EYS: variants seen among roughly 807,000 people sequenced by gnomAD.
EYS encodes protein eyes shut homolog.
Under a neutral mutation model 282.1 loss-of-function variants are expected in EYS, and 250 were observed. The ratio of observed to expected loss-of-function variants is 0.89; its 90% CI spans 0.80 to 0.98. EYS has a LOEUF of 0.98. Among genes scored for constraint, EYS ranks in the 50% least tolerant of loss-of-function variants. The pLI, the probability that EYS is intolerant of heterozygous loss-of-function variation, is 0.00. For synonymous variants in EYS, 1,355 were observed against 1,282.9 expected, an observed-to-expected ratio of 1.06 and a Z score of -1.20; for missense variants, 4,016 against 3,709.0, an observed-to-expected ratio of 1.08 and a Z score of -2.15.
At chr6:64,651,341 T>C (rs897717664) in intron 22 of EYS, among the ~76,000 whole-genome samples, 2 of 152,212 alleles carry the variant, frequency 1.3e-5, no homozygotes, top group Non-Finnish European at 2.9e-5. Flanking sequence ...TATCTGTATA[T>C]ATGTGCAGTT....
chr6:65,184,242 A>C (rs573037709), intron 12 of EYS, among the ~76,000 whole-genome samples: 1 of 151,820 alleles, frequency 6.6e-6, no homozygotes, highest in Non-Finnish European at 1.5e-5. Context: ...GAGGCTGGGA[A>C]CTCCAAGATC....
chr6:65,560,071 T>C (rs1473780), intron 2 of EYS, among the ~76,000 whole-genome samples: 82,541 of 149,458 alleles, frequency 0.55, 22,783 homozygotes, highest in East Asian at 0.7. Context: ...TCATATCCTA[T>C]ATTATATCTA....
chr6:65,654,661 A>G (rs1203132425), intron 1 of EYS, among the ~76,000 whole-genome samples: 1 of 151,804 alleles, frequency 6.6e-6, no homozygotes, highest in East Asian at 1.9e-4. Flanking sequence ...AGAGTCCATT[A>G]AAAAGGTCAC....
intron 12 of EYS, among the ~76,000 whole-genome samples, chr6:65,202,588 G>C (rs907913790): frequency 7.9e-5 from 12 of 152,194 alleles, no homozygotes; most frequent in African/African-American, 2.9e-4. Flanking sequence ...CTCCAGCAGG[G>C]GAGGAGTCCA....
At chr6:64,248,963 T>C (rs1364386033) in intron 30 of EYS, among the ~76,000 whole-genome samples, 3 of 148,334 alleles carry the variant, frequency 2.0e-5, no homozygotes, top group Non-Finnish European at 3.0e-5. Flanking sequence ...GGCTGAGACA[T>C]GAGAATAGCT....
intron 12 of EYS, among the ~76,000 whole-genome samples, chr6:65,144,220 G>A (rs1764418148): frequency 6.6e-6 from 1 of 151,956 alleles, no homozygotes; most frequent in East Asian, 1.9e-4. Flanking sequence ...TCACATCTTG[G>A]CTAAATATCT....
At chr6:65,055,183 A>G (rs950503232) in intron 13 of EYS, among the ~76,000 whole-genome samples, 1 of 151,964 alleles carries the variant, frequency 6.6e-6, no homozygotes, top group Non-Finnish European at 1.5e-5. Context: ...GGGATTTGCT[A>G]TGTTGGCCAC....
intron 18 of EYS, among the ~76,000 whole-genome samples, chr6:64,897,206 C>T (rs964318532): frequency 4.6e-5 from 7 of 152,100 alleles, no homozygotes; most frequent in African/African-American, 1.7e-4. Context: ...CAGGAGAGCT[C>T]TGGTTGGCCT....
At chr6:64,738,151 A>T (rs1772246317) in intron 22 of EYS, among the ~76,000 whole-genome samples, 1 of 152,192 alleles carries the variant, frequency 6.6e-6, no homozygotes, top group Admixed American at 6.5e-5. Context: ...TCAAAACCTC[A>T]TATTGAAATG....
At chr6:64,919,645 C>T (rs1768276594) in intron 15 of EYS, among the ~76,000 whole-genome samples, 1 of 151,822 alleles carries the variant, frequency 6.6e-6, no homozygotes, top group East Asian at 1.9e-4. Flanking sequence ...ATTTTTCATA[C>T]ATTTTGATGT....
chr6:64,129,682 G>A (rs1163325136), intron 31 of EYS, among the ~76,000 whole-genome samples: 1 of 152,108 alleles, frequency 6.6e-6, no homozygotes, highest in East Asian at 1.9e-4. Context: ...TGCTTTTGGT[G>A]TTTTAGACAT....
rs989272295 is a variant in EYS, at chr6:65,036,824, G to A, written c.2137+20790C>T. On this transcript the variant is annotated intron_variant, in intron 13 of 42. Transcript: ENST00000503581. ...TAAAAAAATAACAGATGTCGGTGAGGTTGTGGGGAAAAGGGAATATTTATA... is the reference window on the plus strand; with the variant it reads ...TAAAAAAATAACAGATGTCGGTGAGATTGTGGGGAAAAGGGAATATTTATA... 3.3e-5 allele frequency among the ~76,000 whole-genome samples: 5 copies of A among 152,134 alleles called. No individual in the cohort carries two copies. In the East Asian group the frequency reaches 9.7e-4, roughly 30 times the overall value.
Position 64,591,885 on chromosome 6 carries a change from T to C in EYS, c.3982A>G (p.Ile1328Val). 5 of 1,551,012 alleles carry C rather than the reference T, an allele frequency of 3.2e-6. No homozygotes were observed. The highest frequency in any genetic ancestry group is 4.4e-6 in the Non-Finnish European group (5 of 1,146,536). ...TTTGCTGAAAGCTCTCTAGTGACAA[T>C]CAGTTCTTGGAGTAAGTAGCTTTCC... ...PLESYLLQEL[I>V]VTRELSAKHS... The change falls in exon 26 of 43, where the codon ATT becomes GTT. Residue 1328 changes from isoleucine (I) to valine (V), a missense_variant. By Grantham distance (29) the Ile-to-Val change is conservative. Coordinates refer to ENST00000503581, the MANE Select transcript of EYS (RefSeq NM_001142800.2).
chr6:65,089,583 A>C (rs1214305775), intron 12 of EYS, among the ~76,000 whole-genome samples: 3 of 152,126 alleles, frequency 2.0e-5, no homozygotes, highest in Non-Finnish European at 4.4e-5. Flanking sequence ...TTACATGTTC[A>C]TAAGTGGAAG....
chr6:65,678,516 T>C (rs1266816080), intron 1 of EYS, among the ~76,000 whole-genome samples: 1 of 151,870 alleles, frequency 6.6e-6, no homozygotes, highest in Non-Finnish European at 1.5e-5. Flanking sequence ...GAGGAAAACA[T>C]AGTGGAAAGC....
chr6:64,722,523 A>G (rs1771618905), intron 22 of EYS, among the ~76,000 whole-genome samples: 1 of 152,000 alleles, frequency 6.6e-6, no homozygotes. Context: ...TTTGAAAAAA[A>G]AAAAAACCAG....
At position 64,685,437 on chromosome 6, in the gene EYS, G is replaced by C. The variant is rs547577779; in HGVS notation, c.3444-59192C>G. ...AGTTGGGATCTGATGGGAGGTGTTT[G>C]GGTCATGGGGGTAGATCCCTCATGA... On this transcript the variant is annotated intron_variant, in intron 22 of 42. Coordinates refer to ENST00000503581, the MANE Select transcript of EYS (RefSeq NM_001142800.2). Among the ~76,000 whole-genome samples the C allele has an allele frequency of 4.7e-4, 71 of 152,286 alleles. 1 individual carries two copies. The highest frequency in any genetic ancestry group is 6.8e-3 in the Middle Eastern group (2 of 294).
chr6:64,356,746 A>G (rs1307157301), intron 29 of EYS, among the ~76,000 whole-genome samples: 1 of 151,682 alleles, frequency 6.6e-6, no homozygotes, highest in Non-Finnish European at 1.5e-5. Context: ...TCGAAGAAAT[A>G]TGCAACATTG....
intron 5 of EYS, among the ~76,000 whole-genome samples, chr6:65,406,120 A>G (rs1484812065): frequency 1.3e-5 from 2 of 152,074 alleles, no homozygotes; most frequent in East Asian, 3.9e-4. Context: ...ATTCTAGTAA[A>G]TGTACAATGG....
Sources: gnomAD v4.1 joint callset for allele counts (sites outside exome capture counted in the v4.1 genomes callset) on GRCh38, gnomAD v4.1.1 for gene constraint, MANE v1.5 for transcripts, NCBI Gene and HGNC (gene_info 2026-07-23, HGNC 2026-07-21) for gene names.